SENP8: variants seen among roughly 807,000 people sequenced by gnomAD.
SENP8 encodes SUMO peptidase family member, NEDD8 specific.
In SENP8, 10 loss-of-function variants were observed where a neutral mutation model predicts 14.4. The ratio of observed to expected loss-of-function variants is 0.69; its 90% CI spans 0.43 to 1.18. SENP8 has a LOEUF of 1.18. Ranked by LOEUF, SENP8 falls within the 50% of genes most tolerant of loss-of-function variation. The pLI, the probability that SENP8 is intolerant of heterozygous loss-of-function variation, is 0.00. For synonymous variants in SENP8, 94 were observed against 95.5 expected, an observed-to-expected ratio of 0.98 and a Z score of 0.09; for missense variants, 202 against 249.4, an observed-to-expected ratio of 0.81 and a Z score of 1.28.
intron 1 of SENP8, among the ~76,000 whole-genome samples, chr15:72,133,884 G>A (rs2081301290): frequency 6.6e-6 from 1 of 152,106 alleles, no homozygotes; most frequent in African/African-American, 2.4e-5. Context: ...CAGTCATTGG[G>A]TTATAAATTT....
At chr15:72,125,362 T>C (rs370560793) in intron 1 of SENP8, among the ~76,000 whole-genome samples, 1 of 152,204 alleles carries the variant, frequency 6.6e-6, no homozygotes, top group East Asian at 1.9e-4. Context: ...TTAACTTACA[T>C]TTATTTGATT....
At chr15:72,134,785 C>A in intron 1 of SENP8, 1 of 269,562 alleles carries the variant, frequency 3.7e-6, no homozygotes. Flanking sequence ...GGATACTGTT[C>A]AAAAAGGAAT....
At chr15:72,115,957 T>C (rs2080956197), upstream of SENP8, among the ~76,000 whole-genome samples, 1 of 152,192 alleles carries the variant, frequency 6.6e-6, no homozygotes, top group Non-Finnish European at 1.5e-5. Context: ...AGCCAGTAAA[T>C]GAGGCACTTC....
At chr15:72,123,768 G>A (rs1431393216) in intron 1 of SENP8, among the ~76,000 whole-genome samples, 2 of 152,160 alleles carry the variant, frequency 1.3e-5, no homozygotes, top group African/African-American at 2.4e-5. Flanking sequence ...TAGAACGCCC[G>A]ACCTCAGGTG....
chr15:72,130,688 C>T (rs2081265399), intron 1 of SENP8, among the ~76,000 whole-genome samples: 1 of 151,912 alleles, frequency 6.6e-6, no homozygotes, highest in Non-Finnish European at 1.5e-5. Context: ...CTCAGCCTCC[C>T]AAGTAGCTGC....
upstream of SENP8, among the ~76,000 whole-genome samples, chr15:72,116,328 T>G (rs919864651): frequency 6.6e-6 from 1 of 152,260 alleles, no homozygotes; most frequent in Non-Finnish European, 1.5e-5. Context: ...CCTCTTTATA[T>G]TTCATCTTTA....
chr15:72,128,562 T>A (rs2140506144), intron 1 of SENP8, among the ~76,000 whole-genome samples: 1 of 152,376 alleles, frequency 6.6e-6, no homozygotes, highest in South Asian at 2.1e-4. Flanking sequence ...TCATGCTGAT[T>A]TTGCATTTTA....
chr15:72,140,928 T>C lies in SENP8; in HGVS notation c.*666T>C, dbSNP rs566341945. 33 of 167,258 alleles carry C rather than the reference T, an allele frequency of 2.0e-4. No individual in the cohort carries two copies. Among genetic ancestry groups the C allele is most frequent in the Admixed American group, 3.3e-4 (5 of 15,304 alleles). The allele number at this position is 167,258 out of a possible 1,614,324, so 10.4% of individuals were successfully genotyped here. Reference sequence around the variant, plus strand: ...CTGGAATGCTTGAAGAAAGGGGAAATCTTGAGTAACCTCATTAAAATTAAT... The same window carrying C: ...CTGGAATGCTTGAAGAAAGGGGAAACCTTGAGTAACCTCATTAAAATTAAT... On this transcript the variant is annotated 3_prime_UTR_variant, in exon 2 of 2. Coordinates refer to ENST00000340912, the MANE Select transcript of SENP8 (RefSeq NM_145204.4).
At chr15:72,116,401 C>G (rs1199090252), upstream of SENP8, among the ~76,000 whole-genome samples, 1 of 152,108 alleles carries the variant, frequency 6.6e-6, no homozygotes, top group Non-Finnish European at 1.5e-5. Flanking sequence ...CTTGACAACT[C>G]AGGAGCTCAA....
At chr15:72,136,111 A>C (rs944988446) in intron 1 of SENP8, among the ~76,000 whole-genome samples, 1 of 152,232 alleles carries the variant, frequency 6.6e-6, no homozygotes, top group South Asian at 2.1e-4. Context: ...CCCATTTGCC[A>C]TAAGGCTAGA....
chr15:72,139,411 G>T (rs2081358521), intron 1 of SENP8, 166 bp from the exon 2 acceptor site: 1 of 562,616 alleles, frequency 1.8e-6, no homozygotes, highest in South Asian at 2.8e-5. Flanking sequence ...TCTCAGGGGT[G>T]GCAGAGGCAA....
intron 1 of SENP8, among the ~76,000 whole-genome samples, chr15:72,130,841 G>A (rs750727039): frequency 1.3e-5 from 2 of 152,200 alleles, no homozygotes; most frequent in Non-Finnish European, 2.9e-5. Context: ...GGGATTACAG[G>A]TGTGAGCCAC....
upstream of SENP8, chr15:72,117,708 GC>G (rs1311397589): frequency 1.5e-5 from 6 of 396,798 alleles, no homozygotes; most frequent in African/African-American, 6.2e-5. Flanking sequence ...GGCCACCGCA[GC>G]CCCCTCCTCT....
At chr15:72,139,449 C>T in intron 1 of SENP8, 128 bp from the exon 2 acceptor site, 1 of 888,844 alleles carries the variant, frequency 1.1e-6, no homozygotes, top group Non-Finnish European at 1.7e-6. Context: ...AGTAGATCTG[C>T]ACAGATCAAA....
At chr15:72,121,613 G>A (rs2081168384) in intron 1 of SENP8, among the ~76,000 whole-genome samples, 1 of 151,468 alleles carries the variant, frequency 6.6e-6, no homozygotes. Context: ...CCTGCCTGTG[G>A]TCCCATCTAC....
chr15:72,122,447 C>T (rs1015532998), intron 1 of SENP8, among the ~76,000 whole-genome samples: 1 of 152,200 alleles, frequency 6.6e-6, no homozygotes, highest in Non-Finnish European at 1.5e-5. Flanking sequence ...CAATACCGGA[C>T]TATAGAAACT....
upstream of SENP8, chr15:72,118,152 C>A: frequency 2.7e-6 from 1 of 375,316 alleles, no homozygotes; most frequent in East Asian, 3.9e-5. Flanking sequence ...CGCGCGCGCA[C>A]TTACCTCCCA....
chr15:72,130,526 C>G (rs534415240), intron 1 of SENP8, among the ~76,000 whole-genome samples: 80 of 150,846 alleles, frequency 5.3e-4, no homozygotes, highest in Non-Finnish European at 8.6e-4. Flanking sequence ...AATTTGCTGA[C>G]CTTTGGACTA....
chr15:72,123,403 C>G (rs1006789064), intron 1 of SENP8, among the ~76,000 whole-genome samples: 3 of 152,142 alleles, frequency 2.0e-5, no homozygotes, highest in African/African-American at 7.2e-5. Flanking sequence ...GACCCTCACT[C>G]CTAGTCATTT....
Sources: gnomAD v4.1 joint callset for allele counts (sites outside exome capture counted in the v4.1 genomes callset) on GRCh38, gnomAD v4.1.1 for gene constraint, MANE v1.5 for transcripts, NCBI Gene and HGNC (gene_info 2026-07-23, HGNC 2026-07-21) for gene names.